Variants in RBM45 observed in about 807,000 individuals in gnomAD.
RBM45 encodes RNA-binding protein 45.
In RBM45, 39 loss-of-function variants were observed where a neutral mutation model predicts 58.5. The observed-to-expected ratio is 0.67, with a 90% CI of 0.52 to 0.87. The LOEUF (loss-of-function observed/expected upper bound fraction) is 0.87. Among genes scored for constraint, RBM45 ranks in the 40% least tolerant of loss-of-function variants. The probability of loss-of-function intolerance (pLI) is 0.00; values close to 1 mark genes in which losing one functional copy is unlikely to be tolerated. For synonymous variants in RBM45, 193 were observed against 203.0 expected, an observed-to-expected ratio of 0.95 and a Z score of 0.42; for missense variants, 481 against 581.6, an observed-to-expected ratio of 0.83 and a Z score of 1.78.
rs1273521628 is a variant in RBM45, at chr2:178,120,275, G to C, written c.551-12G>C. 1 of 1,611,384 alleles carries C rather than the reference G, an allele frequency of 6.2e-7. No individual in the cohort carries two copies. The highest frequency in any genetic ancestry group is 1.1e-5 in the South Asian group (1 of 90,322). The stretch of plus-strand genomic sequence containing the variant: ...TTTGCTGTGAAACTTGAAATTCATG[G>C]GGTTTTTTCAGGTTTTAGAGCAATC... On this transcript the variant is annotated splice_polypyrimidine_tract_variant and intron_variant, in intron 3 of 9. Transcript: ENST00000286070.
At chr2:178,138,356 T>A (rs1274377998) in exon 4 of RBM45, 1 of 152,124 alleles carries the variant, frequency 6.6e-6, no homozygotes, top group Non-Finnish European at 1.5e-5. Context: ...AAGGTGCAGA[T>A]CAAAAAGGCT....
intron 1 of RBM45, among the ~76,000 whole-genome samples, chr2:178,114,762 A>AT (rs1484208134): frequency 1.3e-5 from 2 of 151,686 alleles, no homozygotes; most frequent in Non-Finnish European, 2.9e-5. Context: ...TGCCCAGCTT[A>AT]TTTTTTTTAT....
chr2:178,112,828 C>G lies in RBM45; in HGVS notation c.282C>G (p.Asn94Lys). Residue 94 changes from asparagine (N) to lysine (K), a missense_variant, in exon 1 of 10, where the codon AAC becomes AAG. By Grantham distance (94) the Asn-to-Lys change is moderately conservative. Transcript: ENST00000286070. ...TGCATGGCCAGTGCCTCGGCCCCAA[C>G]GACACCAAGCCCATCAAGGTGCGGG... ...EEMHGQCLGPNDTKPIKVFIA... is the reference protein window; with the variant it reads ...EEMHGQCLGPKDTKPIKVFIA... 1 of 1,609,310 alleles carries G rather than the reference C, an allele frequency of 6.2e-7. No homozygotes were observed. Among genetic ancestry groups the G allele is most frequent in the South Asian group, 1.1e-5 (1 of 91,028 alleles).
intron 2 of RBM45, 129 bp downstream of exon 2, chr2:178,116,513 A>T: frequency 1.6e-6 from 1 of 624,654 alleles, no homozygotes; most frequent in East Asian, 3.1e-5. Context: ...AACTGCTTTC[A>T]TCAATTTCAA....
Position 178,116,345 on chromosome 2 carries a change from A to G in RBM45, c.384A>G (p.Pro128=). ...EELTRIFVMI[P]KSYTEEDLRE... ...TTACAAGAATCTTTGTTATGATACC[A>G]AAGTCCTACACAGAAGAAGATCTGC... Residue 128 remains proline (P), a synonymous_variant, in exon 2 of 10, where the codon CCA becomes CCG. Coordinates refer to ENST00000286070, the MANE Select transcript of RBM45 (RefSeq NM_152945.4). 1.2e-6 allele frequency: 2 copies of G among 1,611,366 alleles called. No individual in the cohort carries two copies. Among genetic ancestry groups the G allele is most frequent in the East Asian group, 2.2e-5 (1 of 44,824 alleles).
chr2:178,116,512 C>T, intron 2 of RBM45, 128 bp downstream of exon 2: 1 of 662,046 alleles, frequency 1.5e-6, no homozygotes, highest in Non-Finnish European at 2.3e-6. Flanking sequence ...TAACTGCTTT[C>T]ATCAATTTCA....
intron 2 of RBM45, among the ~76,000 whole-genome samples, chr2:178,117,518 T>C (rs920667033): frequency 6.6e-6 from 1 of 152,204 alleles, no homozygotes; most frequent in Non-Finnish European, 1.5e-5. Flanking sequence ...AAGCACTCCT[T>C]CAAAAGAATA....
intron 3 of RBM45, among the ~76,000 whole-genome samples, chr2:178,119,908 A>G (rs1559079320): frequency 1.3e-5 from 2 of 152,224 alleles, no homozygotes; most frequent in Non-Finnish European, 2.9e-5. Context: ...AAAAGATAGC[A>G]TATTCCAATT....
At chr2:178,124,863 A>G (rs1347762820) in intron 8 of RBM45, among the ~76,000 whole-genome samples, 1 of 152,118 alleles carries the variant, frequency 6.6e-6, no homozygotes, top group East Asian at 1.9e-4. Context: ...GGTGCATTGT[A>G]GGATCCTTAA....
chr2:178,117,140 C>A (rs1278627908), intron 2 of RBM45, among the ~76,000 whole-genome samples: 2 of 151,990 alleles, frequency 1.3e-5, no homozygotes, highest in African/African-American at 4.8e-5. Flanking sequence ...TGGGTGGCAA[C>A]AAGCAAGAAA....
Position 178,121,423 on chromosome 2 carries a change from C to T in RBM45, c.853+64C>T, listed in dbSNP as rs943563210. 3.5e-4 allele frequency: 261 copies of T among 747,634 alleles called. 3 individuals carry two copies. In the African/African-American group the frequency reaches 4.0e-3, roughly 12 times the overall value. 46.3% of individuals were successfully genotyped at this position (747,634 alleles called of 1,614,324 possible). On this transcript the variant is annotated intron_variant, in intron 5 of 9. Transcript: ENST00000286070. ...ATATATACACACACACACACACACA[C>T]ACACACACACACACACACACAGAGT...
At chr2:178,136,806 T>C (rs2088048799) in exon 4 of RBM45, 1 of 152,228 alleles carries the variant, frequency 6.6e-6, no homozygotes, top group Non-Finnish European at 1.5e-5. Flanking sequence ...TCTAACACCT[T>C]TGACCACCTG....
intron 9 of RBM45, among the ~76,000 whole-genome samples, chr2:178,126,952 T>C (rs918501186): frequency 1.3e-5 from 2 of 152,022 alleles, no homozygotes; most frequent in African/African-American, 2.4e-5. Flanking sequence ...ACTTTTTTTT[T>C]CCCCCGAGAC....
intron 2 of RBM45, among the ~76,000 whole-genome samples, chr2:178,116,807 G>A (rs940896594): frequency 3.9e-5 from 6 of 152,004 alleles, no homozygotes; most frequent in African/African-American, 1.2e-4. Flanking sequence ...ATGTAGAGGC[G>A]AATCAGGCAG....
exon 4 of RBM45, chr2:178,137,416 GAC>G (rs2088053674): frequency 6.6e-6 from 1 of 152,090 alleles, no homozygotes; most frequent in African/African-American, 2.4e-5. Flanking sequence ...TGTACCAAAA[GAC>G]ACATACAAAA....
exon 4 of RBM45, chr2:178,137,397 G>A (rs1411666806): frequency 6.6e-6 from 1 of 152,092 alleles, no homozygotes; most frequent in Non-Finnish European, 1.5e-5. Flanking sequence ...ACAAAGATGT[G>A]TACATATATG....
chr2:178,121,435 CACA>C, intron 5 of RBM45, 76 bp downstream of exon 5: 1 of 687,334 alleles, frequency 1.5e-6, no homozygotes, highest in Non-Finnish European at 2.1e-6. Flanking sequence ...CACACACACA[CACA>C]CACACAGAGT....
intron 5 of RBM45, among the ~76,000 whole-genome samples, chr2:178,122,717 G>A (rs2087871172): frequency 6.6e-6 from 1 of 152,046 alleles, no homozygotes; most frequent in Non-Finnish European, 1.5e-5. Flanking sequence ...TTTATTAATA[G>A]AGGTGTCATC....
downstream of RBM45, among the ~76,000 whole-genome samples, chr2:178,133,094 G>A (rs140382937): frequency 9.4e-4 from 143 of 152,274 alleles, 2 homozygotes; most frequent in African/African-American, 3.4e-3. Flanking sequence ...TAAAAGTAAG[G>A]CATCGAGAAG....
Sources: allele counts gnomAD v4.1 joint callset (sites outside exome capture counted in the v4.1 genomes callset), GRCh38; gene constraint gnomAD v4.1.1; transcripts MANE v1.5; gene names NCBI Gene and HGNC (gene_info 2026-07-23, HGNC 2026-07-21).